Variants in NCOA4 observed in about 807,000 individuals in gnomAD.
NCOA4 encodes the protein 70 kDa AR-activator.
Under a neutral mutation model 69.5 loss-of-function variants are expected in NCOA4, and 31 were observed. That is an observed-to-expected ratio of 0.45 (90% CI 0.34 to 0.60). The LOEUF is 0.60. NCOA4 is among the 20% of genes least tolerant of loss of function. The pLI is 0.02. For synonymous variants in NCOA4, 228 were observed against 252.4 expected (o/e 0.90, Z 0.92); for missense variants, 600 against 719.2 (o/e 0.83, Z 1.90).
At position 46,010,134 on chromosome 10, in the gene NCOA4, C is replaced by T. The variant is rs571689655; in HGVS notation, c.1698+89G>A. 6.1e-6 allele frequency: 9 copies of T among 1,468,680 alleles called. No homozygotes were observed. In the South Asian group the frequency reaches 9.7e-5, roughly 16 times the overall value. 91.0% of individuals were successfully genotyped at this position (1,468,680 alleles called of 1,614,324 possible). A position where few individuals can be genotyped will look rare whatever the true frequency, so the allele number is the denominator to read the frequency against. ...AATGAGCTGAGATCGCACCACTGCA[C>T]TCCAGCCTGAGTGACAGAGACCCCA... On this transcript the variant is annotated intron_variant, in intron 8 of 9. Coordinates refer to ENST00000581486, the MANE Select transcript of NCOA4 (RefSeq NM_001145263.2).
intron 1 of NCOA4, among the ~76,000 whole-genome samples, chr10:46,019,023 T>G (rs1322566993): frequency 6.6e-6 from 1 of 152,172 alleles, no homozygotes; most frequent in African/African-American, 2.4e-5. Context: ...CTGTACACTA[T>G]CTCAGCAAAA....
intron 4 of NCOA4, 90 bp downstream of exon 4, chr10:46,014,764 T>TAAC: frequency 9.5e-7 from 1 of 1,051,776 alleles, no homozygotes; most frequent in Non-Finnish European, 1.4e-6. Flanking sequence ...AAGTTAAATA[T>TAAC]AACACAAGCA....
chr10:46,014,560 A>C lies in NCOA4; in HGVS notation c.372-8T>G. ...AGGGTCAAACTGCCCAGTCTGGGGA[A>C]AAAAAAACAAAATTGGCTATTTTTA... On this transcript the variant is annotated splice_polypyrimidine_tract_variant and splice_region_variant and intron_variant, in intron 4 of 9. Coordinates refer to ENST00000581486, the MANE Select transcript of NCOA4 (RefSeq NM_001145263.2). 1 of 1,576,566 alleles carries C rather than the reference A, an allele frequency of 6.3e-7. No homozygotes were observed. Among genetic ancestry groups the C allele is most frequent in the Non-Finnish European group, 8.6e-7 (1 of 1,160,230 alleles).
At chr10:46,014,794 T>G in intron 4 of NCOA4, 60 bp downstream of exon 4, 1 of 1,401,256 alleles carries the variant, frequency 7.1e-7, no homozygotes, top group Admixed American at 1.9e-5. Flanking sequence ...AAAATCGACT[T>G]TCTTTTAGTA....
At chr10:46,013,090 C>T (rs1554922148) in intron 6 of NCOA4, 64 bp from the exon 7 acceptor site, 2 of 1,519,470 alleles carry the variant, frequency 1.3e-6, no homozygotes, top group African/African-American at 2.7e-5. Context: ...AGAGAAGAGC[C>T]ACTCTCTAAT....
At chr10:46,013,748 T>C in intron 5 of NCOA4, 109 bp from the exon 6 acceptor site, 1 of 687,888 alleles carries the variant, frequency 1.5e-6, no homozygotes, top group Non-Finnish European at 2.5e-6. Flanking sequence ...TCATTAGAAA[T>C]ACTGTTCACA....
chr10:46,028,046 C>G (rs576908635), intron 1 of NCOA4, among the ~76,000 whole-genome samples: 16 of 152,262 alleles, frequency 1.1e-4, no homozygotes, highest in African/African-American at 3.4e-4. Flanking sequence ...CTCATGACTG[C>G]TACCTACTCT....
intron 1 of NCOA4, among the ~76,000 whole-genome samples, chr10:46,026,220 G>A (rs1554925494): frequency 6.6e-6 from 1 of 152,154 alleles, no homozygotes; most frequent in Non-Finnish European, 1.5e-5. Context: ...TATTACTTTT[G>A]GCTTTTTTCA....
chr10:46,025,022 T>C (rs1280562039), intron 1 of NCOA4, among the ~76,000 whole-genome samples: 1 of 152,150 alleles, frequency 6.6e-6, no homozygotes, highest in African/African-American at 2.4e-5. Flanking sequence ...AACTGGCTCA[T>C]GTGATTAGCA....
chr10:46,009,049 G>A, intron 9 of NCOA4: 1 of 972,888 alleles, frequency 1.0e-6, no homozygotes, highest in African/African-American at 1.6e-5. Flanking sequence ...TATATGCAAT[G>A]GGAAACCAAA....
intron 1 of NCOA4, among the ~76,000 whole-genome samples, chr10:46,026,830 A>G (rs1297515488): frequency 6.6e-6 from 1 of 152,212 alleles, no homozygotes; most frequent in Admixed American, 6.5e-5. Context: ...CCAAACTGCC[A>G]TATTTGTAGA....
At chr10:46,023,570 C>G in intron 1 of NCOA4, 1 of 966,002 alleles carries the variant, frequency 1.0e-6, no homozygotes, top group Non-Finnish European at 1.2e-6. Flanking sequence ...CGCGGCCCCC[C>G]TGCAGCTCCC....
chr10:46,013,216 T>C (rs147812511), intron 6 of NCOA4, among the ~76,000 whole-genome samples, 190 bp from the exon 7 acceptor site: 30 of 152,280 alleles, frequency 2.0e-4, no homozygotes, highest in African/African-American at 6.5e-4. Context: ...CTAAAACATA[T>C]AGAAACCTTT....
Position 46,012,070 on chromosome 10 carries a change from G to GAAAAAAAAAAAAAA in NCOA4, c.714+799_714+812dup, listed in dbSNP as rs71026286. Among the ~76,000 whole-genome samples the GAAAAAAAAAAAAAA allele has an allele frequency of 8.6e-3, 385 of 44,554 alleles. 63 individuals carry two copies. The highest frequency in any genetic ancestry group is 0.017 in the Admixed American group (36 of 2,154). 29.2% of individuals were successfully genotyped at this position (44,554 alleles called of 152,430 possible). A position where few individuals can be genotyped will look rare whatever the true frequency, so the allele number is the denominator to read the frequency against. On this transcript the variant is annotated intron_variant, in intron 7 of 9. Coordinates refer to ENST00000581486, the MANE Select transcript of NCOA4 (RefSeq NM_001145263.2). ...AGCAAGACTCGGTCTCAAAAAGAAA[G>GAAAAAAAAAAAAAA]AAAAAAAAAAAAAAAAAAAAAAAAA...
In NCOA4 at chr10:46,013,598, A is replaced by G. The variant is rs1839362314; in HGVS notation, c.522T>C (p.Asn174=). The change falls in exon 6 of 10, where the codon AAT becomes AAC. Residue 174 remains asparagine (N), a synonymous_variant. Coordinates refer to ENST00000581486, the MANE Select transcript of NCOA4 (RefSeq NM_001145263.2). ...CTCTCTTCTCCAGGAAGGGCCCAATATTTGCTGAACTAGCATGAGCCATCA... is the reference window on the plus strand; with the variant it reads ...CTCTCTTCTCCAGGAAGGGCCCAATGTTTGCTGAACTAGCATGAGCCATCA... The part of the protein sequence containing the change: ...EHLMAHASSA[N]IGPFLEKRGC... 1.2e-6 allele frequency: 2 copies of G among 1,613,546 alleles called. No individual in the cohort carries two copies. Among genetic ancestry groups the G allele is most frequent in the Non-Finnish European group, 1.7e-6 (2 of 1,179,676 alleles).
intron 9 of NCOA4, 36 bp downstream of exon 9, chr10:46,009,375 T>C (rs781879471): frequency 2.5e-6 from 4 of 1,590,136 alleles, no homozygotes; most frequent in East Asian, 4.5e-5. Context: ...TATAAATAGC[T>C]ATAATCTAAT....
chr10:46,024,962 A>G (rs1427814144), intron 1 of NCOA4, among the ~76,000 whole-genome samples: 1 of 145,060 alleles, frequency 6.9e-6, no homozygotes, highest in African/African-American at 2.4e-5. Context: ...ACATAGATAT[A>G]GACATAAAGA....
At position 46,011,030 on chromosome 10, in the gene NCOA4, A is replaced by G. The variant is rs1839174457; in HGVS notation, c.891T>C (p.Asp297=). ...CTAGCCAATCTGATAGGTCCATCTC[A>G]TCTTGATCAGGAAGCTCTTGATCTC... is the stretch of plus-strand genomic sequence containing the variant. ...KVGDQELPDQ[D]EMDLSDWLVT... is the part of the protein sequence containing the mutation. The change falls in exon 8 of 10, where the codon GAT becomes GAC. Residue 297 remains aspartate (D), a synonymous_variant. Coordinates refer to ENST00000581486, the MANE Select transcript of NCOA4 (RefSeq NM_001145263.2). 6.2e-7 allele frequency: 1 copy of G among 1,611,424 alleles called. No individual in the cohort carries two copies. Among genetic ancestry groups the G allele is most frequent in the Admixed American group, 1.7e-5 (1 of 60,002 alleles).
rs570677050 is a variant in NCOA4 at position 46,005,385 on chromosome 10, A to G, written c.*1207T>C. 9.8e-5 allele frequency: 21 copies of G among 214,740 alleles called. No homozygotes were observed. The East Asian group carries it at 1.2e-3, about 12-fold the overall frequency. The allele number at this position is 214,740 out of a possible 1,614,324, so 13.3% of individuals were successfully genotyped here. A position where few individuals can be genotyped will look rare whatever the true frequency, so the allele number is the denominator to read the frequency against. ...AGAACTCTAGTGAAGCTGTATGGCAATGACATTTTGGGACCATGAAGTTTC... is the reference window on the plus strand; with the variant it reads ...AGAACTCTAGTGAAGCTGTATGGCAGTGACATTTTGGGACCATGAAGTTTC... On this transcript the variant is annotated 3_prime_UTR_variant, in exon 10 of 10. Transcript: ENST00000581486.
Sources: allele counts gnomAD v4.1 joint callset (sites outside exome capture counted in the v4.1 genomes callset), GRCh38; gene constraint gnomAD v4.1.1; transcripts MANE v1.5; gene names NCBI Gene and HGNC (gene_info 2026-07-23, HGNC 2026-07-21).